Variants in CD200R1 observed in about 807,000 individuals in gnomAD.
The protein encoded by CD200R1 is CD200 receptor 1, also known as cell surface glycoprotein CD200 receptor 1.
A neutral mutation model predicts 38.1 loss-of-function variants in CD200R1; 30 were observed. The observed-to-expected ratio is 0.79, with a 90% CI of 0.59 to 1.07. The LOEUF (loss-of-function observed/expected upper bound fraction) is 1.07, where lower values mean the gene tolerates loss of function less well. Among genes scored for constraint, CD200R1 ranks in the 50% least tolerant of loss-of-function variants. The pLI is 0.00. For synonymous variants in CD200R1, 128 were observed against 152.1 expected (o/e 0.84, Z 1.16); for missense variants, 372 against 415.4 (o/e 0.90, Z 0.91).
At chr3:112,944,567 A>G (rs888501969) in intron 2 of CD200R1, among the ~76,000 whole-genome samples, 2 of 152,114 alleles carry the variant, frequency 1.3e-5, no homozygotes, top group African/African-American at 4.8e-5. Context: ...GAGCAAAGCA[A>G]GATGACTCTT....
At chr3:112,963,542 T>G (rs142633993) in intron 1 of CD200R1, among the ~76,000 whole-genome samples, 1 of 152,180 alleles carries the variant, frequency 6.6e-6, no homozygotes, top group African/African-American at 2.4e-5. Flanking sequence ...GCCCTAGAGA[T>G]GTGTGGAACT....
At chr3:112,930,950 T>G (rs932196915) in intron 3 of CD200R1, among the ~76,000 whole-genome samples, 156 bp downstream of exon 3, 2 of 152,076 alleles carry the variant, frequency 1.3e-5, no homozygotes, top group African/African-American at 4.8e-5. Flanking sequence ...CAACTAGAGG[T>G]TGGGTCATTC....
chr3:112,966,139 G>T (rs1000070854), intron 1 of CD200R1, among the ~76,000 whole-genome samples: 3 of 152,152 alleles, frequency 2.0e-5, no homozygotes, highest in African/African-American at 7.2e-5. Context: ...ACTGGACAAT[G>T]GTAAATCAGG....
intron 5 of CD200R1, 84 bp from the exon 6 acceptor site, chr3:112,925,277 G>T: frequency 1.5e-6 from 1 of 675,928 alleles, no homozygotes; most frequent in Non-Finnish European, 2.5e-6. Context: ...AAAGAAATGA[G>T]CTATCAAACC....
intron 2 of CD200R1, among the ~76,000 whole-genome samples, chr3:112,934,514 A>G (rs1940530965): frequency 6.6e-6 from 1 of 152,148 alleles, no homozygotes; most frequent in African/African-American, 2.4e-5. Flanking sequence ...TAAAAGATAT[A>G]GACTGGCCAA....
chr3:112,943,980 A>C (rs1450230045), intron 2 of CD200R1, among the ~76,000 whole-genome samples: 4 of 151,950 alleles, frequency 2.6e-5, no homozygotes, highest in Non-Finnish European at 5.9e-5. Flanking sequence ...GTATCTATTA[A>C]ATAAATTGAA....
intron 2 of CD200R1, among the ~76,000 whole-genome samples, chr3:112,940,527 C>A (rs971177055): frequency 6.6e-6 from 1 of 151,668 alleles, no homozygotes; most frequent in Admixed American, 6.6e-5. Context: ...AGAAGACATA[C>A]ATATGGTTAA....
intron 1 of CD200R1, among the ~76,000 whole-genome samples, chr3:112,951,361 TA>T (rs1252369796): frequency 6.6e-6 from 1 of 151,998 alleles, no homozygotes; most frequent in Non-Finnish European, 1.5e-5. Flanking sequence ...AATTTGTTGA[TA>T]AAAAGCCTTC....
rs570119585 is a variant in CD200R1 at position 112,923,264 on chromosome 3, G to C, written c.*413C>G. The C allele has an allele frequency of 6.4e-6, 1 of 155,760 alleles. No homozygotes were observed. The highest frequency in any genetic ancestry group is 2.4e-5 in the African/African-American group (1 of 41,578). The allele number at this position is 155,760 out of a possible 1,614,324, so 9.6% of individuals were successfully genotyped here. A position where few individuals can be genotyped will look rare whatever the true frequency, so the allele number is the denominator to read the frequency against. ...TTGACAAAGATATGTGCATGTATAT[G>C]TAAGGGGACACATAAATTGACACAT... On this transcript the variant is annotated 3_prime_UTR_variant, in exon 8 of 8. Coordinates refer to ENST00000308611, the MANE Select transcript of CD200R1 (RefSeq NM_138806.4).
chr3:112,939,090 A>C (rs1217528212), intron 2 of CD200R1, among the ~76,000 whole-genome samples: 2 of 151,988 alleles, frequency 1.3e-5, no homozygotes, highest in Non-Finnish European at 2.9e-5. Flanking sequence ...ATCACTAAAA[A>C]CTTTCAATAA....
intron 1 of CD200R1, among the ~76,000 whole-genome samples, chr3:112,972,090 T>C (rs1449881097): frequency 6.6e-6 from 1 of 152,024 alleles, no homozygotes; most frequent in Non-Finnish European, 1.5e-5. Flanking sequence ...GGCACTATTC[T>C]ACACACACAC....
rs1576123289 is a variant in CD200R1, at chr3:112,923,633, T to C, written c.*44A>G. On this transcript the variant is annotated 3_prime_UTR_variant, in exon 8 of 8. Transcript: ENST00000308611. ...TAAGAAAATCAGACAGTAATTATAA[T>C]GTATCTCGTTTGTTGTTGTTTCTTG... 2.1e-6 allele frequency: 2 copies of C among 932,608 alleles called. No homozygotes were observed. Among genetic ancestry groups the C allele is most frequent in the Non-Finnish European group, 1.7e-6 (1 of 586,166 alleles). The allele number at this position is 932,608 out of a possible 1,614,324, so 57.8% of individuals were successfully genotyped here. A position where few individuals can be genotyped will look rare whatever the true frequency, so the allele number is the denominator to read the frequency against.
At chr3:112,943,402 A>C (rs1427131048) in intron 2 of CD200R1, among the ~76,000 whole-genome samples, 1 of 151,820 alleles carries the variant, frequency 6.6e-6, no homozygotes. Flanking sequence ...AGAAACCTAA[A>C]GAGAAATTTT....
intron 1 of CD200R1, among the ~76,000 whole-genome samples, chr3:112,950,941 G>A (rs1940958808): frequency 6.6e-6 from 1 of 152,076 alleles, no homozygotes; most frequent in South Asian, 2.1e-4. Flanking sequence ...ATACCTTTAA[G>A]TGCTAATTTT....
intron 1 of CD200R1, among the ~76,000 whole-genome samples, chr3:112,953,642 A>G (rs957422237): frequency 6.6e-5 from 10 of 151,952 alleles, no homozygotes; most frequent in African/African-American, 2.2e-4. Context: ...GGGCTGTTCA[A>G]TTTTTTTATT....
intron 1 of CD200R1, among the ~76,000 whole-genome samples, chr3:112,964,604 A>G (rs1481471285): frequency 6.6e-6 from 1 of 152,124 alleles, no homozygotes; most frequent in Non-Finnish European, 1.5e-5. Context: ...CTGTACCCCC[A>G]TTGTATCTAG....
At chr3:112,943,733 G>C (rs1559950315) in intron 2 of CD200R1, among the ~76,000 whole-genome samples, 1 of 151,806 alleles carries the variant, frequency 6.6e-6, no homozygotes, top group East Asian at 1.9e-4. Context: ...GAAAAAAAGA[G>C]AGAAGATACA....
Position 112,931,848 on chromosome 3 carries a change from G to A in CD200R1, c.137-677C>T, listed in dbSNP as rs370646850. Among the ~76,000 whole-genome samples the A allele has an allele frequency of 1.2e-3, 178 of 152,082 alleles. 4 individuals carry two copies. The South Asian group carries it at 0.033, about 29-fold the overall frequency. ...GCAGAAAAGTAGTGGAGAGGAGCTC[G>A]TGGTCATCAGAAGCTCAGGAGGGAA... On this transcript the variant is annotated intron_variant, in intron 2 of 7. Coordinates refer to ENST00000308611, the MANE Select transcript of CD200R1 (RefSeq NM_138806.4).
In CD200R1 at chr3:112,974,951, C is replaced by A. The variant is rs1933406762; in HGVS notation, c.-94G>T. 11 of 940,592 alleles carry A rather than the reference C, an allele frequency of 1.2e-5. No homozygotes were observed. In the South Asian group the frequency reaches 1.5e-4, roughly 13 times the overall value. The allele number at this position is 940,592 out of a possible 1,614,324, so 58.3% of individuals were successfully genotyped here. A position where few individuals can be genotyped will look rare whatever the true frequency, so the allele number is the denominator to read the frequency against. The stretch of plus-strand genomic sequence containing the variant: ...GCATGGTGAGACCCTCTCTGGTCAA[C>A]TTCTCAGTACAGGATCCTCTTACCC... On this transcript the variant is annotated 5_prime_UTR_variant, in exon 1 of 8. Coordinates refer to ENST00000308611, the MANE Select transcript of CD200R1 (RefSeq NM_138806.4).
Sources: gnomAD v4.1 joint callset for allele counts (sites outside exome capture counted in the v4.1 genomes callset) on GRCh38, gnomAD v4.1.1 for gene constraint, MANE v1.5 for transcripts, NCBI Gene and HGNC (gene_info 2026-07-23, HGNC 2026-07-21) for gene names.